EPS8: variants seen among roughly 807,000 people sequenced by gnomAD.
EPS8 encodes the protein epidermal growth factor receptor kinase substrate 8.
EPS8 carries 42 observed loss-of-function variants against 103.8 expected under a neutral mutation model. The observed-to-expected ratio is 0.40, with a 90% CI of 0.32 to 0.52. The LOEUF is 0.52. Ranked by LOEUF, EPS8 falls within the 20% of genes least tolerant of loss-of-function variation. EPS8 has a pLI of 0.40. For synonymous variants in EPS8, 344 were observed against 344.6 expected, an observed-to-expected ratio of 1.00 and a Z score of 0.02; for missense variants, 969 against 1,005.1, an observed-to-expected ratio of 0.96 and a Z score of 0.49.
At chr12:15,635,944 T>C (rs1015516296) in intron 17 of EPS8, among the ~76,000 whole-genome samples, 1 of 152,012 alleles carries the variant, frequency 6.6e-6, no homozygotes, top group Admixed American at 6.6e-5. Flanking sequence ...TAAGAATACC[T>C]ATAACAATAA....
At chr12:15,677,599 T>C (rs1945931672) in intron 3 of EPS8, among the ~76,000 whole-genome samples, 1 of 152,234 alleles carries the variant, frequency 6.6e-6, no homozygotes, top group Non-Finnish European at 1.5e-5. Flanking sequence ...TTCAACTCGT[T>C]TAAAATTGTA....
chr12:15,693,159 C>T lies in EPS8; in HGVS notation c.-21-10187G>A, dbSNP rs1946197154. On this transcript the variant is annotated intron_variant, in intron 1 of 20. Coordinates refer to ENST00000281172, the MANE Select transcript of EPS8 (RefSeq NM_004447.6). This position sits in a 1 kb window ranked among gnomAD's most constrained non-coding sequence, Gnocchi z 5.6. ...AGTCCTGCTGGCAGACCCCAGCCAT[C>T]AGTGTCTATCGGTCTTTTGCATAGA... Among the ~76,000 whole-genome samples the T allele has an allele frequency of 6.6e-6, 1 of 152,176 alleles. No homozygotes were observed. The highest frequency in any genetic ancestry group is 6.5e-5 in the Admixed American group (1 of 15,284).
intron 1 of EPS8, among the ~76,000 whole-genome samples, chr12:15,694,014 A>G (rs1946210048): frequency 6.6e-6 from 1 of 152,228 alleles, no homozygotes; most frequent in African/African-American, 2.4e-5. Flanking sequence ...ATACCTATGT[A>G]ACAAACCTGC....
chr12:15,676,217 G>A (rs919513376), intron 3 of EPS8, among the ~76,000 whole-genome samples: 5 of 128,638 alleles, frequency 3.9e-5, no homozygotes, highest in African/African-American at 6.0e-5. Context: ...CCGAGATTGC[G>A]CCACTGCACT....
chr12:15,702,964 C>T lies in EPS8; in HGVS notation c.-21-19992G>A, dbSNP rs1031773003. On this transcript the variant is annotated intron_variant, in intron 1 of 20. Coordinates refer to ENST00000281172, the MANE Select transcript of EPS8 (RefSeq NM_004447.6). The surrounding 1 kb of genome is among the most constrained non-coding windows in gnomAD (Gnocchi z 5.1). Reference sequence around the variant, plus strand: ...AGGAGATTGAGACCATCCTGGCCAACATAGTGAAACCCCATCTCCACTAAA... The same window carrying T: ...AGGAGATTGAGACCATCCTGGCCAATATAGTGAAACCCCATCTCCACTAAA... 6.6e-6 allele frequency among the ~76,000 whole-genome samples: 1 copy of T among 152,074 alleles called. No individual in the cohort carries two copies. Among genetic ancestry groups the T allele is most frequent in the Admixed American group, 6.5e-5 (1 of 15,272 alleles).
chr12:15,643,602 G>A (rs182140478), intron 15 of EPS8, among the ~76,000 whole-genome samples: 18 of 152,154 alleles, frequency 1.2e-4, no homozygotes, highest in Admixed American at 4.6e-4. Flanking sequence ...AGCTGGGCAC[G>A]GTGGCACATG....
At chr12:15,657,576 C>T (rs1328892944) in intron 12 of EPS8, among the ~76,000 whole-genome samples, 1 of 152,136 alleles carries the variant, frequency 6.6e-6, no homozygotes, top group Non-Finnish European at 1.5e-5. Context: ...AAGCCAAGCA[C>T]ATAGAAGGCT....
chr12:15,675,732 G>A (rs1439485672), intron 3 of EPS8, among the ~76,000 whole-genome samples: 3 of 152,118 alleles, frequency 2.0e-5, no homozygotes, highest in Admixed American at 6.5e-5. Context: ...TTACTAATTG[G>A]TAATTCAATG....
intron 15 of EPS8, among the ~76,000 whole-genome samples, chr12:15,642,446 G>A (rs1432151606): frequency 6.6e-6 from 1 of 151,936 alleles, no homozygotes; most frequent in Non-Finnish European, 1.5e-5. Context: ...CTTTTAAAAA[G>A]TGTATGGGCC....
chr12:15,713,044 A>G lies in EPS8; in HGVS notation c.-21-30072T>C. On this transcript the variant is annotated intron_variant, in intron 1 of 20. Transcript: ENST00000281172. This position sits in a 1 kb window ranked among gnomAD's most constrained non-coding sequence, Gnocchi z 4.8. Reference sequence around the variant, plus strand: ...TGGTTTCTCTAGGGCGTTAACTAAGATTTCCTCCTCTTGTTAAGTAAGTAA... The same window carrying G: ...TGGTTTCTCTAGGGCGTTAACTAAGGTTTCCTCCTCTTGTTAAGTAAGTAA... 3.1e-6 allele frequency: 3 copies of G among 963,096 alleles called. No individual in the cohort carries two copies. The highest frequency in any genetic ancestry group is 3.7e-6 in the Non-Finnish European group (3 of 809,624). 59.7% of individuals were successfully genotyped at this position (963,096 alleles called of 1,614,324 possible). A position where few individuals can be genotyped will look rare whatever the true frequency, so the allele number is the denominator to read the frequency against.
In EPS8 at chr12:15,701,694, C is replaced by T. The variant is rs1008552017; in HGVS notation, c.-21-18722G>A. ...ATAAGCTTTGAAACATTACACTGTC[C>T]AGATACATTTATGTCAATCTCACTT... On this transcript the variant is annotated intron_variant, in intron 1 of 20. Coordinates refer to ENST00000281172, the MANE Select transcript of EPS8 (RefSeq NM_004447.6). This position sits in a 1 kb window ranked among gnomAD's most constrained non-coding sequence, Gnocchi z 5.1. Among the ~76,000 whole-genome samples the T allele has an allele frequency of 6.6e-6, 1 of 152,160 alleles. No individual in the cohort carries two copies. Among genetic ancestry groups the T allele is most frequent in the African/African-American group, 2.4e-5 (1 of 41,444 alleles).
intron 1 of EPS8, among the ~76,000 whole-genome samples, chr12:15,755,139 C>T (rs562963553): frequency 3.3e-5 from 5 of 152,186 alleles, no homozygotes; most frequent in Non-Finnish European, 5.9e-5. Context: ...CATCACTCAT[C>T]TAGAGGCACA....
rs1947037185 is a variant in EPS8, at chr12:15,761,139, A to G, written c.-22+28022T>C. ...TTACAAAAATCAGTAGCATTTCTAC[A>G]TGCCAACAGACAACAATCTGAAAAA... On this transcript the variant is annotated intron_variant, in intron 1 of 20. Transcript: ENST00000281172. This position sits in a 1 kb window ranked among gnomAD's most constrained non-coding sequence, Gnocchi z 4.5. Among the ~76,000 whole-genome samples the G allele has an allele frequency of 6.6e-6, 1 of 152,136 alleles. No individual in the cohort carries two copies. Among genetic ancestry groups the G allele is most frequent in the African/African-American group, 2.4e-5 (1 of 41,454 alleles).
intron 17 of EPS8, among the ~76,000 whole-genome samples, chr12:15,637,057 T>A (rs1409510258): frequency 6.6e-6 from 1 of 152,270 alleles, no homozygotes; most frequent in Non-Finnish European, 1.5e-5. Context: ...AGTCTCGCTC[T>A]GTCGCCAGGC....
intron 3 of EPS8, among the ~76,000 whole-genome samples, chr12:15,677,480 C>A (rs77414161): frequency 6.6e-6 from 1 of 152,038 alleles, no homozygotes; most frequent in Non-Finnish European, 1.5e-5. Context: ...GTGGTCAGTG[C>A]GTAAAAAACA....
At chr12:15,658,227 C>T in intron 11 of EPS8, 74 bp from the exon 12 acceptor site, 2 of 970,706 alleles carry the variant, frequency 2.1e-6, no homozygotes, top group Non-Finnish European at 3.3e-6. Context: ...AACATAGACA[C>T]AGAGGGGACG....
At chr12:15,637,141 C>T (rs1160523546) in intron 17 of EPS8, among the ~76,000 whole-genome samples, 2 of 152,260 alleles carry the variant, frequency 1.3e-5, no homozygotes, top group Non-Finnish European at 2.9e-5. Flanking sequence ...CTGCCTCAGT[C>T]TCCTGAGTAG....
chr12:15,669,703 C>T lies in EPS8; in HGVS notation c.327G>A (p.Val109=), dbSNP rs868720412. ...KVWTQDMILQ[V]DDRAVSLIDL... ...CAATCAGGCTCACAGCTCTGTCATCCACTTGAAGAATCATATCTTGAGTCC... is the reference window on the plus strand; with the variant it reads ...CAATCAGGCTCACAGCTCTGTCATCTACTTGAAGAATCATATCTTGAGTCC... The change falls in exon 5 of 21, where the codon GTG becomes GTA. Residue 109 remains valine, a synonymous_variant. Transcript: ENST00000281172. 1.9e-6 allele frequency: 3 copies of T among 1,612,044 alleles called. No homozygotes were observed. The highest frequency in any genetic ancestry group is 3.3e-4 in the Middle Eastern group (2 of 6,064).
intron 1 of EPS8, among the ~76,000 whole-genome samples, chr12:15,687,168 T>A (rs1946107088): frequency 1.3e-5 from 2 of 152,172 alleles, no homozygotes; most frequent in Non-Finnish European, 2.9e-5. Context: ...ACATTTTGTC[T>A]CCTGCAATGT....
Sources: allele counts gnomAD v4.1 joint callset (sites outside exome capture counted in the v4.1 genomes callset), GRCh38; gene constraint gnomAD v4.1.1; non-coding constraint Gnocchi (gnomAD v3.1); transcripts MANE v1.5; gene names NCBI Gene and HGNC (gene_info 2026-07-23, HGNC 2026-07-21).